Variants in NBPF12 observed in about 807,000 individuals in gnomAD.
NBPF12 encodes the protein NBPF family member NBPF12.
A neutral mutation model predicts 146.4 loss-of-function variants in NBPF12; 115 were observed. That is an observed-to-expected ratio of 0.79 (90% CI 0.68 to 0.92). The LOEUF (loss-of-function observed/expected upper bound fraction) is 0.92, where lower values mean the gene tolerates loss of function less well. Ranked by LOEUF, NBPF12 falls within the 40% of genes least tolerant of loss-of-function variation. The pLI is 0.00. For missense variants in NBPF12, 1,205 were observed against 1,326.8 expected (o/e 0.91, Z 1.43); for synonymous variants, 385 against 508.9 (o/e 0.76, Z 3.28).
At chr1:146,939,908 G>C (rs1315617084) in intron 1 of NBPF12, among the ~76,000 whole-genome samples, 1 of 151,426 alleles carries the variant, frequency 6.6e-6, no homozygotes, top group East Asian at 2.0e-4. Flanking sequence ...GCTTGAACCT[G>C]GGAGGCGGAG....
At chr1:146,984,521 G>C (rs1553888345) in intron 21 of NBPF12, among the ~76,000 whole-genome samples, 1 of 150,500 alleles carries the variant, frequency 6.6e-6, no homozygotes, top group Non-Finnish European at 1.5e-5. Flanking sequence ...CACAAATACA[G>C]AGTGTCCTTT....
At chr1:146,941,350 G>T (rs1483127246) in intron 1 of NBPF12, among the ~76,000 whole-genome samples, 2 of 151,926 alleles carry the variant, frequency 1.3e-5, no homozygotes, top group African/African-American at 4.8e-5. Flanking sequence ...CTCCCAAAGT[G>T]TTGGGATTAT....
chr1:146,953,718 CA>C (rs1192514879), intron 2 of NBPF12, among the ~76,000 whole-genome samples: 1 of 86,526 alleles, frequency 1.2e-5, no homozygotes, highest in Non-Finnish European at 2.1e-5. Context: ...GAAGAACCCA[CA>C]AGTAACATTA....
At chr1:146,980,487 G>T (rs1288921364) in intron 19 of NBPF12, among the ~76,000 whole-genome samples, 1 of 151,768 alleles carries the variant, frequency 6.6e-6, no homozygotes, top group Non-Finnish European at 1.5e-5. Flanking sequence ...GCTTCCTTTA[G>T]GAGCTCTTTT....
chr1:146,981,447 T>C (rs2101901909), intron 19 of NBPF12, among the ~76,000 whole-genome samples: 1 of 151,608 alleles, frequency 6.6e-6, no homozygotes, highest in South Asian at 2.1e-4. Context: ...GGGCTTCCCT[T>C]TGTGGGTAAT....
intron 19 of NBPF12, among the ~76,000 whole-genome samples, chr1:146,982,666 T>A (rs1657468389): frequency 6.7e-6 from 1 of 150,292 alleles, no homozygotes; most frequent in South Asian, 2.1e-4. Flanking sequence ...ATGATGGTAG[T>A]TTACAGGGAG....
intron 2 of NBPF12, among the ~76,000 whole-genome samples, chr1:146,952,228 G>A (rs1655355161): frequency 6.6e-6 from 1 of 152,198 alleles, no homozygotes; most frequent in South Asian, 2.1e-4. Flanking sequence ...GAAGCATCTT[G>A]CAGAAGCAAA....
exon 34 of NBPF12, chr1:146,994,602 C>T: frequency 1.3e-6 from 2 of 1,587,392 alleles, no homozygotes; most frequent in Non-Finnish European, 1.7e-6. Flanking sequence ...CGAGAGGTTT[C>T]ATTCCTGCAG....
chr1:146,992,435 TC>T lies in NBPF12; in HGVS notation c.3849-276del, dbSNP rs1658233966. Among the ~76,000 whole-genome samples the T allele has an allele frequency of 2.6e-3, 149 of 57,082 alleles. 4 individuals carry two copies. The highest frequency in any genetic ancestry group is 0.012 in the African/African-American group (146 of 12,158). 37.4% of individuals were successfully genotyped at this position (57,082 alleles called of 152,430 possible). ...CACCTGGACAATTCACTGAGCTCGT[TC>T]TCTCTCTCTCTCTCTCTCTCTCTCT... is the stretch of plus-strand genomic sequence containing the variant. On this transcript the variant is annotated intron_variant, in intron 31 of 33. Coordinates refer to ENST00000617844, the Ensembl canonical transcript of NBPF12.
intron 14 of NBPF12, among the ~76,000 whole-genome samples, chr1:146,974,202 TA>T (rs1172108300): frequency 3.4e-5 from 5 of 148,410 alleles, no homozygotes. Flanking sequence ...TTCATGGCCT[TA>T]TGGTGTTATG....
At chr1:146,948,976 G>A (rs1250140329), upstream of NBPF12, among the ~76,000 whole-genome samples, 32 of 146,424 alleles carry the variant, frequency 2.2e-4, no homozygotes, top group African/African-American at 3.8e-4. Context: ...CAAAAGCACA[G>A]CACTTTTTTC....
chr1:146,972,540 G>A (rs1159742077), intron 13 of NBPF12, among the ~76,000 whole-genome samples: 1 of 151,644 alleles, frequency 6.6e-6, no homozygotes, highest in Non-Finnish European at 1.5e-5. Flanking sequence ...GAAAAGTGTA[G>A]AAGTGTTTAT....
At chr1:146,961,427 T>A (rs1234442433) in intron 4 of NBPF12, among the ~76,000 whole-genome samples, 1 of 151,980 alleles carries the variant, frequency 6.6e-6, no homozygotes, top group African/African-American at 2.4e-5. Flanking sequence ...ATTGCTGCAA[T>A]GAATTACATG....
intron 14 of NBPF12, 127 bp downstream of exon 17, chr1:146,973,087 G>C: frequency 1.8e-6 from 1 of 555,942 alleles, no homozygotes; most frequent in South Asian, 1.9e-5. Context: ...ACAGAAATGG[G>C]TATTTTAACA....
intron 11 of NBPF12, among the ~76,000 whole-genome samples, 161 bp from the exon 15 acceptor site, chr1:146,970,486 C>G (rs1294085003): frequency 7.3e-5 from 11 of 151,086 alleles, no homozygotes; most frequent in Admixed American, 3.9e-4. Context: ...GCCTGATGGA[C>G]CAGGAAACCA....
At chr1:146,989,413 C>T (rs1658004584) in intron 27 of NBPF12, among the ~76,000 whole-genome samples, 161 bp from the exon 31 acceptor site, 2 of 151,530 alleles carry the variant, frequency 1.3e-5, no homozygotes, top group Admixed American at 1.3e-4. Flanking sequence ...TTCTACCTGG[C>T]CCTGTTCTAT....
At chr1:146,947,880 CTG>C (rs1476569631), upstream of NBPF12, among the ~76,000 whole-genome samples, 1 of 151,802 alleles carries the variant, frequency 6.6e-6, no homozygotes, top group Non-Finnish European at 1.5e-5. Flanking sequence ...GTGCTGGTGA[CTG>C]GTATTTGTTA....
intron 13 of NBPF12, among the ~76,000 whole-genome samples, chr1:146,971,869 G>C (rs1341642205): frequency 2.0e-5 from 3 of 147,052 alleles, no homozygotes; most frequent in Non-Finnish European, 4.5e-5. Context: ...CACGAGGTCA[G>C]GAGATTGAGA....
intron 2 of NBPF12, chr1:146,951,980 A>C (rs1655343865): frequency 6.3e-6 from 1 of 159,102 alleles, no homozygotes; most frequent in Non-Finnish European, 1.4e-5. Context: ...TTCCAAAAAC[A>C]AAGTAGCCAA....
Sources: gnomAD v4.1 joint callset for allele counts (sites outside exome capture counted in the v4.1 genomes callset) on GRCh38, gnomAD v4.1.1 for gene constraint, MANE v1.5 for transcripts, NCBI Gene and HGNC (gene_info 2026-07-23, HGNC 2026-07-21) for gene names.